Variants in RRAGD observed in about 807,000 individuals in gnomAD.
RRAGD encodes the protein ras-related GTP-binding protein D.
RRAGD carries 12 observed loss-of-function variants against 35.5 expected under a neutral mutation model. The observed-to-expected ratio is 0.34, with a 90% confidence interval of 0.22 to 0.55. The LOEUF is 0.55. Ranked by LOEUF, RRAGD falls within the 20% of genes least tolerant of loss-of-function variation. RRAGD has a pLI of 0.91. For synonymous variants in RRAGD, 155 were observed against 178.9 expected, an observed-to-expected ratio of 0.87 and a Z score of 1.07; for missense variants, 324 against 490.1, an observed-to-expected ratio of 0.66 and a Z score of 3.20.
chr6:89,383,797 TGAG>T (rs1769090355), intron 2 of RRAGD, among the ~76,000 whole-genome samples: 3 of 152,042 alleles, frequency 2.0e-5, no homozygotes, highest in South Asian at 4.1e-4. Flanking sequence ...AATAAAAATA[TGAG>T]GAGTGAGAAC....
intron 4 of RRAGD, 123 bp from the exon 5 acceptor site, chr6:89,377,936 A>T: frequency 1.5e-6 from 1 of 682,888 alleles, no homozygotes; most frequent in Non-Finnish European, 2.4e-6. Context: ...GCTACTAAAA[A>T]TTTAAATTGT....
At chr6:89,372,976 C>T (rs1768878154) in intron 5 of RRAGD, among the ~76,000 whole-genome samples, 1 of 152,188 alleles carries the variant, frequency 6.6e-6, no homozygotes, top group South Asian at 2.1e-4. Flanking sequence ...TTCAAGGAGT[C>T]TAAAGAGACC....
chr6:89,408,666 C>T (rs1425026201), intron 1 of RRAGD, among the ~76,000 whole-genome samples: 4 of 152,120 alleles, frequency 2.6e-5, no homozygotes, highest in East Asian at 1.9e-4. Context: ...AGGCAAAGAC[C>T]GAACTTCACT....
In RRAGD at chr6:89,368,070, T is replaced by G; in HGVS notation, c.1189A>C (p.Arg397=). The part of the protein sequence containing the change: ...KKRATPNGTP[R]VLL Reference sequence around the variant, plus strand: ...TGAAACCTCACCTACAGCAGCACTCTAGGGGTCCCATTAGGGGTGGCTCTC... The same window carrying G: ...TGAAACCTCACCTACAGCAGCACTCGAGGGGTCCCATTAGGGGTGGCTCTC... The change falls in exon 7 of 7, where the codon AGA becomes CGA. Residue 397 remains arginine, a synonymous_variant. Transcript: ENST00000369415. 6.2e-7 allele frequency: 1 copy of G among 1,612,662 alleles called. No individual in the cohort carries two copies. Among genetic ancestry groups the G allele is most frequent in the Non-Finnish European group, 8.5e-7 (1 of 1,179,500 alleles).
rs767277452 is a variant in RRAGD, at chr6:89,372,469, C to A, written c.1019G>T (p.Cys340Phe). The change falls in exon 6 of 7, where the codon TGC becomes TTC. Residue 340 changes from cysteine (C) to phenylalanine (F), a missense_variant. Transcript: ENST00000369415. ...KEVTKFLALVCFVREESFERK... is the reference protein window; with the variant it reads ...KEVTKFLALVFFVREESFERK... ...TTCAAAGCTTTCCTCTCTGACAAAGCAAACGAGAGCCAGGAACTTTGTCAC... is the reference window on the plus strand; with the variant it reads ...TTCAAAGCTTTCCTCTCTGACAAAGAAAACGAGAGCCAGGAACTTTGTCAC... The A allele has an allele frequency of 1.9e-5, 30 of 1,613,522 alleles. No individual in the cohort carries two copies. The highest frequency in any genetic ancestry group is 2.5e-5 in the Non-Finnish European group (29 of 1,179,864).
At position 89,365,914 on chromosome 6, in the gene RRAGD, T is replaced by G. The variant is rs1768733954; in HGVS notation, c.*2142A>C. On this transcript the variant is annotated 3_prime_UTR_variant, in exon 7 of 7. Transcript: ENST00000369415. ...TTTGCTTATTCAAAGTGAAACAACA[T>G]GTAAAAAATATTAGAGAATTAGATT... 6.6e-6 allele frequency: 1 copy of G among 152,170 alleles called. No homozygotes were observed. Among genetic ancestry groups the G allele is most frequent in the Non-Finnish European group, 1.5e-5 (1 of 68,036 alleles). The allele number at this position is 152,170 out of a possible 1,614,324, so 9.4% of individuals were successfully genotyped here.
chr6:89,406,364 T>C (rs1769578872), intron 1 of RRAGD, among the ~76,000 whole-genome samples: 1 of 151,926 alleles, frequency 6.6e-6, no homozygotes, highest in Non-Finnish European at 1.5e-5. Flanking sequence ...GCCTGCCACA[T>C]CCCCATCCTG....
chr6:89,395,810 A>T (rs1044727727), intron 1 of RRAGD, among the ~76,000 whole-genome samples: 2 of 152,204 alleles, frequency 1.3e-5, no homozygotes, highest in African/African-American at 4.8e-5. Flanking sequence ...GTTGGTGTAA[A>T]GACAGACAAA....
intron 4 of RRAGD, 51 bp downstream of exon 4, chr6:89,379,173 T>A: frequency 1.1e-6 from 1 of 932,022 alleles, no homozygotes; most frequent in South Asian, 1.5e-5. Flanking sequence ...ACTCTTGCAA[T>A]GTTATTTTCA....
chr6:89,401,284 G>T (rs1307583366), intron 1 of RRAGD, among the ~76,000 whole-genome samples: 1 of 151,430 alleles, frequency 6.6e-6, no homozygotes, highest in Non-Finnish European at 1.5e-5. Flanking sequence ...TTGAGACAGA[G>T]TCTTGCTCTA....
At chr6:89,369,091 T>A (rs1768814034) in intron 6 of RRAGD, among the ~76,000 whole-genome samples, 1 of 152,118 alleles carries the variant, frequency 6.6e-6, no homozygotes, top group Non-Finnish European at 1.5e-5. Context: ...AAGGATTAAA[T>A]TCTTCAAACT....
At position 89,380,402 on chromosome 6, in the gene RRAGD, G is replaced by A. The variant is rs182043530; in HGVS notation, c.445-35C>T. The A allele has an allele frequency of 1.0e-5, 16 of 1,589,516 alleles. No individual in the cohort carries two copies. The Admixed American group carries it at 1.4e-4, about 14-fold the overall frequency. On this transcript the variant is annotated intron_variant, in intron 2 of 6. Coordinates refer to ENST00000369415, the MANE Select transcript of RRAGD (RefSeq NM_021244.5). ...AAGGCAACGCCTGTGAGAGAAGGCC[G>A]CTTTGCTTCCTGAGCCTCCCACACA... is the stretch of plus-strand genomic sequence containing the variant.
At chr6:89,383,237 A>G (rs1433973410) in intron 2 of RRAGD, among the ~76,000 whole-genome samples, 4 of 152,212 alleles carry the variant, frequency 2.6e-5, no homozygotes, top group Non-Finnish European at 5.9e-5. Context: ...TTAACTGAGG[A>G]GGGGAGTTAA....
At chr6:89,406,995 A>G (rs758358668) in intron 1 of RRAGD, among the ~76,000 whole-genome samples, 1 of 152,228 alleles carries the variant, frequency 6.6e-6, no homozygotes, top group African/African-American at 2.4e-5. Flanking sequence ...TTACATTGGT[A>G]AAAATGTTCT....
At chr6:89,389,036 T>A (rs555093503) in intron 1 of RRAGD, among the ~76,000 whole-genome samples, 1 of 152,246 alleles carries the variant, frequency 6.6e-6, no homozygotes, top group South Asian at 2.1e-4. Context: ...CAGACGAAAC[T>A]TCGCTTGCTC....
chr6:89,369,910 T>C (rs2127883489), intron 6 of RRAGD, among the ~76,000 whole-genome samples: 1 of 152,162 alleles, frequency 6.6e-6, no homozygotes, highest in Admixed American at 6.5e-5. Flanking sequence ...AAATAAACAC[T>C]CTCTTCACCC....
At chr6:89,374,321 A>AG (rs940816133) in intron 5 of RRAGD, among the ~76,000 whole-genome samples, 42 of 152,326 alleles carry the variant, frequency 2.8e-4, no homozygotes, top group African/African-American at 8.7e-4. Context: ...TAAATACACA[A>AG]GGGGGTACAG....
intron 1 of RRAGD, among the ~76,000 whole-genome samples, chr6:89,398,124 G>A (rs1418232469): frequency 6.6e-6 from 1 of 150,790 alleles, no homozygotes; most frequent in African/African-American, 2.4e-5. Context: ...CAGCCTGAGT[G>A]ACAAGAGCAA....
At chr6:89,388,138 G>C (rs1769167273) in intron 1 of RRAGD, among the ~76,000 whole-genome samples, 1 of 152,210 alleles carries the variant, frequency 6.6e-6, no homozygotes, top group Non-Finnish European at 1.5e-5. Flanking sequence ...GTGTTACACA[G>C]CAGATGCAAA....
Sources: gnomAD v4.1 joint callset for allele counts (sites outside exome capture counted in the v4.1 genomes callset) on GRCh38, gnomAD v4.1.1 for gene constraint, MANE v1.5 for transcripts, NCBI Gene and HGNC (gene_info 2026-07-23, HGNC 2026-07-21) for gene names.